Variants in FOXP2 observed in about 807,000 individuals in gnomAD.
FOXP2 encodes the protein forkhead box protein P2.
In FOXP2, 12 loss-of-function variants were observed where a neutral mutation model predicts 115.8. The observed-to-expected ratio is 0.10, with a 90% CI of 0.07 to 0.17. The LOEUF (loss-of-function observed/expected upper bound fraction) is 0.17, where lower values mean the gene tolerates loss of function less well. FOXP2 is among the 10% of genes least tolerant of loss of function. FOXP2 has a pLI of 1.00. For missense variants in FOXP2, 629 were observed against 843.5 expected (o/e 0.75, Z 3.15); for synonymous variants, 328 against 297.7 (o/e 1.10, Z -1.05).
In FOXP2 at chr7:114,400,627, G is replaced by A. The variant is rs142233337; in HGVS notation, c.-10-25875G>A. Among the ~76,000 whole-genome samples, 358 of 152,226 alleles carry A rather than the reference G, an allele frequency of 2.4e-3. 1 individual carries two copies. The highest frequency in any genetic ancestry group is 6.8e-3 in the Middle Eastern group (2 of 294). On this transcript the variant is annotated intron_variant, in intron 2 of 17. Transcript: ENST00000634411. ...GAGTCGGGTGGGGTCGGGGGGAATG[G>A]CTTCTGGATGAAACTGTTCCGCTTC...
At position 114,458,384 on chromosome 7, in the gene FOXP2, C is replaced by G. The variant is rs576134047; in HGVS notation, c.168+31705C>G. On this transcript the variant is annotated intron_variant, in intron 2 of 16. Transcript: ENST00000350908. The stretch of plus-strand genomic sequence containing the variant: ...GTTATTCTTATAAACATCACTGATA[C>G]CAATTTCCAGGCAGGAAGGAAAAAA... Among the ~76,000 whole-genome samples the G allele has an allele frequency of 8.6e-5, 13 of 151,570 alleles. No individual in the cohort carries two copies. The Middle Eastern group carries it at 0.014, about 160-fold the overall frequency.
At chr7:114,555,775 C>T (rs1331643787) in intron 3 of FOXP2, among the ~76,000 whole-genome samples, 1 of 151,980 alleles carries the variant, frequency 6.6e-6, no homozygotes, top group East Asian at 1.9e-4. Context: ...CCAGCCTGGG[C>T]AACAGAGCAA....
chr7:114,141,391 A>C (rs1276044936), intron 1 of FOXP2, among the ~76,000 whole-genome samples: 4 of 152,260 alleles, frequency 2.6e-5, no homozygotes, highest in African/African-American at 7.2e-5. Flanking sequence ...AGAGCCTCTC[A>C]AGAAAAGGTG....
chr7:114,398,305 T>C (rs184750048), intron 2 of FOXP2, among the ~76,000 whole-genome samples: 101 of 152,228 alleles, frequency 6.6e-4, no homozygotes, highest in African/African-American at 2.4e-3. Context: ...TTTAATCTTA[T>C]ATTGGAAAAA....
At chr7:114,418,173 C>T (rs1224318284) in intron 1 of FOXP2, among the ~76,000 whole-genome samples, 1 of 151,830 alleles carries the variant, frequency 6.6e-6, no homozygotes, top group East Asian at 1.9e-4. Flanking sequence ...TTCTTCTGAC[C>T]AATTTCTCCT....
intron 3 of FOXP2, among the ~76,000 whole-genome samples, chr7:114,584,026 CTT>C (rs1473300893): frequency 6.6e-6 from 1 of 152,110 alleles, no homozygotes; most frequent in Non-Finnish European, 1.5e-5. Context: ...TATTACAACT[CTT>C]TGCAATAATT....
intron 1 of FOXP2, among the ~76,000 whole-genome samples, chr7:114,199,075 T>C (rs1563002087): frequency 6.6e-6 from 1 of 152,196 alleles, no homozygotes; most frequent in Non-Finnish European, 1.5e-5. Flanking sequence ...GTGAGTGCAG[T>C]GGGGTGATCC....
intron 6 of FOXP2, 54 bp from the exon 7 acceptor site, chr7:114,642,356 T>C: frequency 7.2e-7 from 1 of 1,398,430 alleles, no homozygotes; most frequent in Non-Finnish European, 1.0e-6. Flanking sequence ...AAGCTCATTA[T>C]ATAAACTTTA....
At chr7:114,500,429 G>A (rs1217942367) in intron 2 of FOXP2, among the ~76,000 whole-genome samples, 2 of 151,450 alleles carry the variant, frequency 1.3e-5, no homozygotes, top group East Asian at 3.9e-4. Context: ...ATTTAAAATT[G>A]TATATTTACT....
chr7:114,356,671 G>A (rs960601076), intron 2 of FOXP2, among the ~76,000 whole-genome samples: 1 of 152,150 alleles, frequency 6.6e-6, no homozygotes, highest in Non-Finnish European at 1.5e-5. Context: ...GTATTAGAGA[G>A]AGTAGTAGAG....
At chr7:114,667,326 G>A (rs1807219057) in intron 16 of FOXP2, 1 of 152,078 alleles carries the variant, frequency 6.6e-6, no homozygotes, top group African/African-American at 2.4e-5. Flanking sequence ...TACTCAGGAG[G>A]CTCAGGCAGG....
At chr7:114,096,294 A>G (rs942791186) in intron 1 of FOXP2, among the ~76,000 whole-genome samples, 1 of 152,230 alleles carries the variant, frequency 6.6e-6, no homozygotes, top group Non-Finnish European at 1.5e-5. Flanking sequence ...GTTTATTCCT[A>G]TGACTAAAAA....
chr7:114,595,456 G>T (rs1012628390), intron 3 of FOXP2, among the ~76,000 whole-genome samples: 6 of 151,974 alleles, frequency 3.9e-5, no homozygotes, highest in Non-Finnish European at 4.4e-5. Context: ...GGTATAAAAA[G>T]TAACTACTAT....
At chr7:114,294,924 A>C (rs373870101) in intron 2 of FOXP2, among the ~76,000 whole-genome samples, 1 of 152,126 alleles carries the variant, frequency 6.6e-6, no homozygotes, top group African/African-American at 2.4e-5. Context: ...ACATACATAC[A>C]TACATACATA....
At chr7:114,568,005 T>C (rs1331693811) in intron 3 of FOXP2, among the ~76,000 whole-genome samples, 3 of 152,172 alleles carry the variant, frequency 2.0e-5, no homozygotes, top group Admixed American at 6.6e-5. Flanking sequence ...TTCAATAGAT[T>C]ATTTTACTTC....
upstream of FOXP2, chr7:114,086,449 G>T (rs772305391): frequency 2.9e-6 from 1 of 341,914 alleles, no homozygotes; most frequent in South Asian, 2.1e-5. Flanking sequence ...CGGCGGCCGC[G>T]TCCGCTGGCT....
chr7:114,272,300 A>G (rs778288378), intron 1 of FOXP2, among the ~76,000 whole-genome samples: 1 of 151,282 alleles, frequency 6.6e-6, no homozygotes, highest in Non-Finnish European at 1.5e-5. Flanking sequence ...TTTGTTGAAG[A>G]TTTTTGCAAT....
chr7:114,219,589 T>C (rs1794567098), intron 1 of FOXP2, among the ~76,000 whole-genome samples: 1 of 152,218 alleles, frequency 6.6e-6, no homozygotes, highest in South Asian at 2.1e-4. Context: ...TTTGTGAATA[T>C]AGTTTTAAAA....
intron 3 of FOXP2, among the ~76,000 whole-genome samples, chr7:114,564,064 A>AAAAC (rs759638081): frequency 8.7e-4 from 132 of 152,170 alleles, no homozygotes; most frequent in African/African-American, 2.3e-3. Flanking sequence ...TACTTGTCAA[A>AAAAC]AAACAAACAT....
Sources: allele counts gnomAD v4.1 joint callset (sites outside exome capture counted in the v4.1 genomes callset), GRCh38; gene constraint gnomAD v4.1.1; transcripts MANE v1.5; gene names NCBI Gene and HGNC (gene_info 2026-07-23, HGNC 2026-07-21).